Variants in DGKZ observed in about 807,000 individuals in gnomAD.
The protein encoded by DGKZ is diacylglycerol kinase zeta.
In DGKZ, 45 loss-of-function variants were observed where a neutral mutation model predicts 142.5. That is an observed-to-expected ratio of 0.32 (90% CI 0.25 to 0.40). DGKZ has a LOEUF of 0.40. DGKZ is among the 10% of genes least tolerant of loss of function. DGKZ has a pLI of 1.00. For missense variants in DGKZ, 755 were observed against 1,306.5 expected (o/e 0.58, Z 6.51); for synonymous variants, 442 against 527.0 (o/e 0.84, Z 2.21).
At chr11:46,358,921 T>C (rs1942324631) in intron 1 of DGKZ, among the ~76,000 whole-genome samples, 1 of 152,046 alleles carries the variant, frequency 6.6e-6, no homozygotes, top group Admixed American at 6.6e-5. Context: ...GGCGGGCAGA[T>C]CACCTGAGGT....
chr11:46,370,121 G>A, intron 6 of DGKZ, 112 bp downstream of exon 6: 1 of 1,355,114 alleles, frequency 7.4e-7, no homozygotes, highest in Non-Finnish European at 1.0e-6. Flanking sequence ...GCAGAGTCCG[G>A]GGCTGACCCT....
At chr11:46,379,807 G>A (rs994175681) in intron 30 of DGKZ, 24 bp from the exon 31 acceptor site, 1 of 1,593,332 alleles carries the variant, frequency 6.3e-7, no homozygotes, top group South Asian at 1.1e-5. Context: ...GGCCCCTGCT[G>A]ATCGCAGCTC....
chr11:46,374,202 G>A (rs1312732084), exon 15 of DGKZ: 1 of 1,614,146 alleles, frequency 6.2e-7, no homozygotes, highest in Non-Finnish European at 8.5e-7. Context: ...GGGCTTTGAC[G>A]CCCACGTCAC....
intron 1 of DGKZ, chr11:46,366,688 C>G: frequency 6.4e-7 from 1 of 1,573,472 alleles, no homozygotes; most frequent in Non-Finnish European, 8.6e-7. Context: ...CAGGGCCACC[C>G]CCACCTCGGG....
rs1011381607 is a variant in DGKZ, at chr11:46,371,909, G to C, written c.831+134G>C. On this transcript the variant is annotated intron_variant, in intron 9 of 30. Coordinates refer to ENST00000527911, the Ensembl canonical transcript of DGKZ. ...TGTGGGCTCTGGGGCCTCTGAGGAAGGCAGGATTAGATGCCAGTTTCTGCT... is the reference window on the plus strand; with the variant it reads ...TGTGGGCTCTGGGGCCTCTGAGGAACGCAGGATTAGATGCCAGTTTCTGCT... 4 of 1,268,910 alleles carry C rather than the reference G, an allele frequency of 3.2e-6. No individual in the cohort carries two copies. In the African/African-American group the frequency reaches 4.5e-5, roughly 14 times the overall value. 78.6% of individuals were successfully genotyped at this position (1,268,910 alleles called of 1,614,324 possible).
chr11:46,370,882 G>A (rs567563900), intron 6 of DGKZ, among the ~76,000 whole-genome samples: 4 of 152,242 alleles, frequency 2.6e-5, no homozygotes, highest in South Asian at 2.1e-4. Flanking sequence ...TCAGGAATTC[G>A]AGACCAGCCT....
chr11:46,370,930 A>G (rs1309313670), intron 6 of DGKZ, among the ~76,000 whole-genome samples: 1 of 152,060 alleles, frequency 6.6e-6, no homozygotes, highest in Non-Finnish European at 1.5e-5. Flanking sequence ...CTGAAAATAC[A>G]AAAAATTAGC....
intron 1 of DGKZ, among the ~76,000 whole-genome samples, chr11:46,349,236 G>A (rs1036573301): frequency 6.6e-6 from 1 of 152,232 alleles, no homozygotes; most frequent in Non-Finnish European, 1.5e-5. Context: ...AGCAGGGAGT[G>A]AAACTTCCAG....
At chr11:46,335,310 CAAA>C (rs113151099) in intron 1 of DGKZ, among the ~76,000 whole-genome samples, 2 of 130,056 alleles carry the variant, frequency 1.5e-5, no homozygotes, top group Admixed American at 7.7e-5. Flanking sequence ...GTGACTCCAT[CAAA>C]AAAAAAAAAA....
chr11:46,377,160 C>T (rs1350219727), exon 25 of DGKZ: 1 of 1,611,048 alleles, frequency 6.2e-7, no homozygotes, highest in East Asian at 2.2e-5. Flanking sequence ...CCGGCCTGAC[C>T]TCCCAACCCC....
At chr11:46,357,774 G>A (rs575578621) in intron 1 of DGKZ, among the ~76,000 whole-genome samples, 32 of 152,348 alleles carry the variant, frequency 2.1e-4, no homozygotes, top group African/African-American at 7.7e-4. Flanking sequence ...TGGGCAGTGC[G>A]GAGCTGTGAG....
chr11:46,371,178 G>T, intron 6 of DGKZ, 135 bp from the exon 7 acceptor site: 5 of 790,250 alleles, frequency 6.3e-6, no homozygotes, highest in Non-Finnish European at 1.0e-5. Context: ...GATTGCTTAA[G>T]CCCAGGAGTT....
chr11:46,341,940 C>T (rs897217314), intron 1 of DGKZ, among the ~76,000 whole-genome samples: 1 of 152,078 alleles, frequency 6.6e-6, no homozygotes, highest in African/African-American at 2.4e-5. Context: ...AGCCAGAGAA[C>T]GTAAGGAGCC....
At chr11:46,365,144 A>T (rs1364274173) in intron 1 of DGKZ, 5 of 985,376 alleles carry the variant, frequency 5.1e-6, no homozygotes, top group Non-Finnish European at 6.0e-6. Flanking sequence ...GGATGGGTCC[A>T]TGGAGGCCAG....
chr11:46,358,740 G>C lies in DGKZ; in HGVS notation c.162-8551G>C, dbSNP rs921390427. 4.8e-4 allele frequency among the ~76,000 whole-genome samples: 73 copies of C among 152,336 alleles called. 1 individual carries two copies. Among genetic ancestry groups the C allele is most frequent in the Non-Finnish European group, 1.5e-4 (10 of 68,028 alleles). ...AAAATTTGAGCTTTTGAGCAAAAAT[G>C]AGAATTTTGGAAACCTTTTATTCAC... On this transcript the variant is annotated intron_variant, in intron 1 of 30. Transcript: ENST00000527911.
chr11:46,364,770 G>T, intron 1 of DGKZ: 2 of 985,438 alleles, frequency 2.0e-6, no homozygotes, highest in Non-Finnish European at 2.4e-6. Flanking sequence ...CCTTCCTCCT[G>T]CCCAACATGC....
At position 46,366,705 on chromosome 11, in the gene DGKZ, A is replaced by G. The variant is rs367820661; in HGVS notation, c.162-586A>G. The stretch of plus-strand genomic sequence containing the variant: ...GGGCCACCCCCACCTCGGGGCGCCC[A>G]GCCGCTGTTGCCCCTACCCCGCTAC... On this transcript the variant is annotated intron_variant, in intron 1 of 30. Transcript: ENST00000527911. 1.3e-6 allele frequency: 2 copies of G among 1,561,666 alleles called. No homozygotes were observed. The highest frequency in any genetic ancestry group is 2.7e-5 in the African/African-American group (2 of 73,756).
Position 46,371,330 on chromosome 11 carries a change from C to T in DGKZ, c.588C>T (p.Phe196=). The change falls in exon 7 of 31, where the codon TTC becomes TTT. Residue 196 remains phenylalanine (F), a synonymous_variant. Transcript: ENST00000527911. ...ACCCTCAGGGATTCCAGCAGAAGTT[C>T]ACCTTCCACAGCAAGGAGATTGTGG... 5 of 1,613,874 alleles carry T rather than the reference C, an allele frequency of 3.1e-6. No homozygotes were observed. In the African/African-American group the frequency reaches 6.7e-5, roughly 22 times the overall value.
At chr11:46,365,481 G>T in intron 1 of DGKZ, 2 of 985,364 alleles carry the variant, frequency 2.0e-6, no homozygotes, top group Non-Finnish European at 2.4e-6. Flanking sequence ...CAAGCCTATT[G>T]TCACGGCCCC....
Sources: allele counts gnomAD v4.1 joint callset (sites outside exome capture counted in the v4.1 genomes callset), GRCh38; gene constraint gnomAD v4.1.1; transcripts MANE v1.5; gene names NCBI Gene and HGNC (gene_info 2026-07-23, HGNC 2026-07-21).